Variants in MFSD2A observed in about 807,000 individuals in gnomAD.
MFSD2A encodes sodium-dependent lysophosphatidylcholine symporter 1.
Under a neutral mutation model 64.7 loss-of-function variants are expected in MFSD2A, and 27 were observed. That is an observed-to-expected ratio of 0.42 (90% CI 0.31 to 0.58). MFSD2A has a LOEUF of 0.58. MFSD2A is among the 20% of genes least tolerant of loss of function. The pLI is 0.18. For missense variants in MFSD2A, 474 were observed against 679.5 expected, an observed-to-expected ratio of 0.70 and a Z score of 3.36; for synonymous variants, 258 against 273.4, an observed-to-expected ratio of 0.94 and a Z score of 0.55.
intron 3 of MFSD2A, among the ~76,000 whole-genome samples, chr1:39,962,448 T>C (rs562667752): frequency 5.9e-5 from 9 of 152,400 alleles, no homozygotes; most frequent in African/African-American, 2.2e-4. Flanking sequence ...CAACATGTTA[T>C]ATAACCCTTT....
In MFSD2A at chr1:39,968,155, C is replaced by T. The variant is rs1187137886; in HGVS notation, c.1209-179C>T. 1.2e-5 allele frequency: 9 copies of T among 765,810 alleles called. No homozygotes were observed. Among genetic ancestry groups the T allele is most frequent in the African/African-American group, 3.5e-5 (2 of 56,836 alleles). The allele number at this position is 765,810 out of a possible 1,614,324, so 47.4% of individuals were successfully genotyped here. On this transcript the variant is annotated intron_variant, in intron 11 of 13. Coordinates refer to ENST00000372811, the MANE Select transcript of MFSD2A (RefSeq NM_032793.5). This position sits in a 1 kb window ranked among gnomAD's most constrained non-coding sequence, Gnocchi z 4.4. ...GGGCTCCACTTGCCACGCTGAGCAC[C>T]TCCAGGCAGGGTTACTTCCTCTTAG...
At position 39,968,841 on chromosome 1, in the gene MFSD2A, C is replaced by G. The variant is rs550094236; in HGVS notation, c.1529+96C>G. The G allele has an allele frequency of 8.3e-4, 1,111 of 1,333,978 alleles. 1 individual carries two copies. The highest frequency in any genetic ancestry group is 1.0e-3 in the Non-Finnish European group (997 of 961,046). The allele number at this position is 1,333,978 out of a possible 1,614,324, so 82.6% of individuals were successfully genotyped here. ...TGTGGCCAAGTCCAGACTCACCCCC[C>G]ACACATCTTCTCTGGACAGCTGTAA... On this transcript the variant is annotated intron_variant, in intron 13 of 13. Coordinates refer to ENST00000372811, the MANE Select transcript of MFSD2A (RefSeq NM_032793.5). This position sits in a 1 kb window ranked among gnomAD's most constrained non-coding sequence, Gnocchi z 4.4.
rs943881506 is a variant in MFSD2A, at chr1:39,960,350, C to T, written c.353+1525C>T. Among the ~76,000 whole-genome samples the T allele has an allele frequency of 6.6e-6, 1 of 152,268 alleles. No individual in the cohort carries two copies. The highest frequency in any genetic ancestry group is 1.5e-5 in the Non-Finnish European group (1 of 68,052). On this transcript the variant is annotated intron_variant, in intron 3 of 13. Transcript: ENST00000372811. The surrounding 1 kb of genome is among the most constrained non-coding windows in gnomAD (Gnocchi z 4.8). Reference sequence around the variant, plus strand: ...AAGCTCTTCCCGCAACCCCTTCCCCCACTACAGCTTCCTTTCCCACGAGGC... The same window carrying T: ...AAGCTCTTCCCGCAACCCCTTCCCCTACTACAGCTTCCTTTCCCACGAGGC...
At position 39,968,182 on chromosome 1, in the gene MFSD2A, G is replaced by C. The variant is rs1570262618; in HGVS notation, c.1209-152G>C. On this transcript the variant is annotated intron_variant, in intron 11 of 13. Coordinates refer to ENST00000372811, the MANE Select transcript of MFSD2A (RefSeq NM_032793.5). The surrounding 1 kb of genome is among the most constrained non-coding windows in gnomAD (Gnocchi z 4.4). Reference sequence around the variant, plus strand: ...CCAGGCAGGGTTACTTCCTCTTAGAGCAAGAGGCCTTTTCTTATTCATGTG... The same window carrying C: ...CCAGGCAGGGTTACTTCCTCTTAGACCAAGAGGCCTTTTCTTATTCATGTG... The C allele has an allele frequency of 1.1e-6, 1 of 906,706 alleles. No individual in the cohort carries two copies. The highest frequency in any genetic ancestry group is 1.7e-6 in the Non-Finnish European group (1 of 605,200). The allele number at this position is 906,706 out of a possible 1,614,324, so 56.2% of individuals were successfully genotyped here. A position where few individuals can be genotyped will look rare whatever the true frequency, so the allele number is the denominator to read the frequency against.
chr1:39,957,011 G>A, intron 1 of MFSD2A, 76 bp from the exon 2 acceptor site: 2 of 1,575,560 alleles, frequency 1.3e-6, no homozygotes, highest in Non-Finnish European at 1.7e-6. Context: ...CTGGCCAGAG[G>A]GATGGTCCTT....
chr1:39,955,195 G>C lies in MFSD2A; in HGVS notation c.-98G>C. On this transcript the variant is annotated 5_prime_UTR_variant, in exon 1 of 14. Coordinates refer to ENST00000372811, the MANE Select transcript of MFSD2A (RefSeq NM_032793.5). This position sits in a 1 kb window ranked among gnomAD's most constrained non-coding sequence, Gnocchi z 5.9. ...GGCTTGGCTAGCGCGCGGCGGCCGT[G>C]GCTAAGGCTGCTACGAAGCGAGCTT... 2 of 1,070,200 alleles carry C rather than the reference G, an allele frequency of 1.9e-6. No homozygotes were observed. Among genetic ancestry groups the C allele is most frequent in the Non-Finnish European group, 2.4e-6 (2 of 820,606 alleles). The allele number at this position is 1,070,200 out of a possible 1,614,324, so 66.3% of individuals were successfully genotyped here. A position where few individuals can be genotyped will look rare whatever the true frequency, so the allele number is the denominator to read the frequency against.
rs1478076377 is a variant in MFSD2A, at chr1:39,965,638, T to G, written c.556+89T>G. The G allele has an allele frequency of 3.6e-6, 5 of 1,405,322 alleles. No homozygotes were observed. Among genetic ancestry groups the G allele is most frequent in the South Asian group, 3.5e-5 (3 of 85,428 alleles). 87.1% of individuals were successfully genotyped at this position (1,405,322 alleles called of 1,614,324 possible). A position where few individuals can be genotyped will look rare whatever the true frequency, so the allele number is the denominator to read the frequency against. On this transcript the variant is annotated intron_variant, in intron 5 of 13. Coordinates refer to ENST00000372811, the MANE Select transcript of MFSD2A (RefSeq NM_032793.5). This position sits in a 1 kb window ranked among gnomAD's most constrained non-coding sequence, Gnocchi z 5.5. The stretch of plus-strand genomic sequence containing the variant: ...GCGGGTCCAGCTCTTTGCTCTGCTC[T>G]AGAGTGTGGGTGTGAAACCATCTTA...
Position 39,955,460 on chromosome 1 carries a change from G to A in MFSD2A, c.93+75G>A. The A allele has an allele frequency of 7.0e-7, 1 of 1,438,622 alleles. No homozygotes were observed. The highest frequency in any genetic ancestry group is 9.5e-7 in the Non-Finnish European group (1 of 1,057,874). The allele number at this position is 1,438,622 out of a possible 1,614,324, so 89.1% of individuals were successfully genotyped here. A position where few individuals can be genotyped will look rare whatever the true frequency, so the allele number is the denominator to read the frequency against. On this transcript the variant is annotated intron_variant, in intron 1 of 13. Transcript: ENST00000372811. This position sits in a 1 kb window ranked among gnomAD's most constrained non-coding sequence, Gnocchi z 5.9. ...AATGGGGGATCAGGGGCGTCCCGGG[G>A]TCGGCCTGGTCAGGGGACCATTGGG...
chr1:39,966,542 G>GGGGT (rs1341238838), intron 6 of MFSD2A, 59 bp from the exon 7 acceptor site: 13 of 1,395,626 alleles, frequency 9.3e-6, no homozygotes, highest in Non-Finnish European at 1.1e-5. Flanking sequence ...TGCTGGAACT[G>GGGGT]GGGTGCTGGG....
chr1:39,962,397 T>C (rs1645062807), intron 3 of MFSD2A, among the ~76,000 whole-genome samples: 3 of 152,270 alleles, frequency 2.0e-5, no homozygotes, highest in Admixed American at 6.5e-5. Context: ...TCTAACCTTC[T>C]GGAGCCAGCT....
rs1301296936 is a variant in MFSD2A, at chr1:39,967,030, AG to A, written c.928-55del. The A allele has an allele frequency of 1.9e-6, 3 of 1,610,026 alleles. No homozygotes were observed. In the East Asian group the frequency reaches 6.7e-5, roughly 36 times the overall value. ...CTTGGGGGATGTCTTGGGGAGGCTC[AG>A]CCCCAACATCACCTCCTTCCTTGCA... On this transcript the variant is annotated intron_variant, in intron 8 of 13. Coordinates refer to ENST00000372811, the MANE Select transcript of MFSD2A (RefSeq NM_032793.5).
In MFSD2A at chr1:39,958,968, C is replaced by G. The variant is rs542238064; in HGVS notation, c.353+143C>G. The G allele has an allele frequency of 2.0e-6, 2 of 986,934 alleles. No homozygotes were observed. The highest frequency in any genetic ancestry group is 5.1e-5 in the East Asian group (2 of 39,426). The allele number at this position is 986,934 out of a possible 1,614,324, so 61.1% of individuals were successfully genotyped here. On this transcript the variant is annotated intron_variant, in intron 3 of 13. Transcript: ENST00000372811. The surrounding 1 kb of genome is among the most constrained non-coding windows in gnomAD (Gnocchi z 4.7). The stretch of plus-strand genomic sequence containing the variant: ...AGCCCAAGGGTGTTGAAACCCCATC[C>G]GAGGCATCAGCTACCCTGAGCACGG...
In MFSD2A at chr1:39,967,786, C is replaced by T. The variant is rs776920843; in HGVS notation, c.1096-18C>T. 96 of 1,610,086 alleles carry T rather than the reference C, an allele frequency of 6.0e-5. No individual in the cohort carries two copies. Among genetic ancestry groups the T allele is most frequent in the South Asian group, 5.5e-5 (5 of 90,994 alleles). ...GGAACCTCCCAGCTGATTCATCTTCCTGCACCCCCTTCCCTAGTCAGCAGT... is the reference window on the plus strand; with the variant it reads ...GGAACCTCCCAGCTGATTCATCTTCTTGCACCCCCTTCCCTAGTCAGCAGT... On this transcript the variant is annotated intron_variant, in intron 10 of 13. Transcript: ENST00000372811.
chr1:39,969,405 C>A, intron 13 of MFSD2A, 100 bp from the exon 14 acceptor site: 2 of 1,039,548 alleles, frequency 1.9e-6, no homozygotes, highest in South Asian at 1.5e-5. Flanking sequence ...TCACTTTAGT[C>A]CGACAGCAGG....
At position 39,968,361 on chromosome 1, in the gene MFSD2A, C is replaced by A. The variant is rs760172407; in HGVS notation, c.1236C>A (p.Asp412Glu). ...PWSMLPDVIDDFHLKQPHFHG... is the reference protein window; with the variant it reads ...PWSMLPDVIDEFHLKQPHFHG... Reference sequence around the variant, plus strand: ...CCATGCTGCCTGATGTCATTGACGACTTCCATCTGAAGCAGCCCCACTTCC... The same window carrying A: ...CCATGCTGCCTGATGTCATTGACGAATTCCATCTGAAGCAGCCCCACTTCC... The change falls in exon 12 of 14, where the codon GAC (aspartate) becomes GAA (glutamate). Residue 412 changes from aspartate to glutamate, a missense_variant. Asp to Glu is a conservative substitution (Grantham distance 45, BLOSUM62 2). Coordinates refer to ENST00000372811, the MANE Select transcript of MFSD2A (RefSeq NM_032793.5). This position sits in a 1 kb window ranked among gnomAD's most constrained non-coding sequence, Gnocchi z 4.4. The A allele has an allele frequency of 5.6e-5, 91 of 1,614,064 alleles. No homozygotes were observed. The highest frequency in any genetic ancestry group is 7.5e-5 in the Non-Finnish European group (89 of 1,180,024).
chr1:39,968,472 T>C lies in MFSD2A; in HGVS notation c.1347T>C (p.Ser449=). 1 of 1,614,116 alleles carries C rather than the reference T, an allele frequency of 6.2e-7. No individual in the cohort carries two copies. The highest frequency in any genetic ancestry group is 8.5e-7 in the Non-Finnish European group (1 of 1,179,994). The stretch of plus-strand genomic sequence containing the variant: ...TGTCACTGGGCATTTCTACCCTCAG[T>C]CTGGAGTGAGTGGGGTGGGGACCTG... The part of the protein sequence containing the change: ...SGVSLGISTL[S]LDFAGYQTRG... Residue 449 remains serine (S), a synonymous_variant, in exon 12 of 14, where the codon AGT becomes AGC. Coordinates refer to ENST00000372811, the MANE Select transcript of MFSD2A (RefSeq NM_032793.5). The surrounding 1 kb of genome is among the most constrained non-coding windows in gnomAD (Gnocchi z 4.4).
In MFSD2A at chr1:39,960,265, C is replaced by A. The variant is rs541492293; in HGVS notation, c.353+1440C>A. ...CATACCCCTTTCATCTCCAGCCCAT[C>A]CAGGCTTAAGTGGGCGCCTTCCTGC... is the stretch of plus-strand genomic sequence containing the variant. On this transcript the variant is annotated intron_variant, in intron 3 of 13. Coordinates refer to ENST00000372811, the MANE Select transcript of MFSD2A (RefSeq NM_032793.5). The surrounding 1 kb of genome is among the most constrained non-coding windows in gnomAD (Gnocchi z 4.8). Among the ~76,000 whole-genome samples the A allele has an allele frequency of 1.0e-3, 154 of 152,356 alleles. 1 individual carries two copies. The highest frequency in any genetic ancestry group is 3.6e-3 in the African/African-American group (151 of 41,592).
At position 39,969,911 on chromosome 1, in the gene MFSD2A, T is replaced by G. The variant is rs1187774375; in HGVS notation, c.*343T>G. On this transcript the variant is annotated 3_prime_UTR_variant, in exon 14 of 14. Coordinates refer to ENST00000372811, the MANE Select transcript of MFSD2A (RefSeq NM_032793.5). ...ATAGCAATGTGTGTGTATGTATATG[T>G]CTGTGAGCTATTAATGTTATTAATT... 3.4e-6 allele frequency: 1 copy of G among 291,786 alleles called. No individual in the cohort carries two copies. The highest frequency in any genetic ancestry group is 2.2e-5 in the African/African-American group (1 of 45,206). 18.1% of individuals were successfully genotyped at this position (291,786 alleles called of 1,614,324 possible).
At position 39,964,731 on chromosome 1, in the gene MFSD2A, TGTGTGTGTGAATGAG is replaced by T. The variant is rs1384325637; in HGVS notation, c.354-466_354-452del. On this transcript the variant is annotated intron_variant, in intron 3 of 13. Transcript: ENST00000372811. The surrounding 1 kb of genome is among the most constrained non-coding windows in gnomAD (Gnocchi z 4.1). ...GAATGGGGTGTGTGTGTGTGAATGATGTGTGTGTGAATGAGGTGTGTGTGAATGGGGTGTGTGTGT... is the reference window on the plus strand; with the variant it reads ...GAATGGGGTGTGTGTGTGTGAATGATGTGTGTGTGAATGGGGTGTGTGTGT... 4.7e-3 allele frequency: 783 copies of T among 166,512 alleles called. 5 individuals are homozygous for T. Among genetic ancestry groups the T allele is most frequent in the African/African-American group, 0.018 (731 of 40,822 alleles). 10.3% of individuals were successfully genotyped at this position (166,512 alleles called of 1,614,324 possible).
Sources: gnomAD v4.1 joint callset for allele counts (sites outside exome capture counted in the v4.1 genomes callset) on GRCh38, gnomAD v4.1.1 for gene constraint, Gnocchi (gnomAD v3.1) non-coding constraint, MANE v1.5 for transcripts, NCBI Gene and HGNC (gene_info 2026-07-23, HGNC 2026-07-21) for gene names.